Variants in ABAT observed in about 807,000 individuals in gnomAD.
ABAT encodes the protein 4-aminobutyrate aminotransferase, mitochondrial.
In ABAT, 45 loss-of-function variants were observed where a neutral mutation model predicts 64.6. That is an observed-to-expected ratio of 0.70 (90% CI 0.55 to 0.89). The LOEUF is 0.89. Among genes scored for constraint, ABAT ranks in the 40% least tolerant of loss-of-function variants. The pLI is 0.00. For missense variants in ABAT, 633 were observed against 658.4 expected (o/e 0.96, Z 0.42); for synonymous variants, 297 against 250.5 (o/e 1.19, Z -1.75).
intron 1 of ABAT, among the ~76,000 whole-genome samples, chr16:8,731,032 G>C (rs531502307): frequency 6.6e-6 from 1 of 151,584 alleles, no homozygotes; most frequent in Non-Finnish European, 1.5e-5. Flanking sequence ...GTGTGATCTT[G>C]GCTCACTGCC....
At chr16:8,683,417 C>T (rs541975768) in intron 1 of ABAT, 1 of 153,046 alleles carries the variant, frequency 6.5e-6, no homozygotes, top group East Asian at 1.9e-4. Context: ...GGACCACCAG[C>T]TTGCCTAAGA....
intron 1 of ABAT, among the ~76,000 whole-genome samples, chr16:8,694,106 T>C (rs1265836368): frequency 6.6e-6 from 1 of 151,928 alleles, no homozygotes; most frequent in Non-Finnish European, 1.5e-5. Flanking sequence ...CTCCGCTCAC[T>C]GCAAGCTCTG....
intron 6 of ABAT, among the ~76,000 whole-genome samples, chr16:8,761,969 CCTT>C (rs2059809228): frequency 1.4e-5 from 2 of 144,346 alleles, no homozygotes; most frequent in African/African-American, 2.4e-5. Context: ...CTTCTTTCTT[CCTT>C]CTTCTTCCTT....
intron 1 of ABAT, among the ~76,000 whole-genome samples, chr16:8,723,088 C>A (rs112632036): frequency 0.032 from 4,839 of 152,128 alleles, 256 homozygotes; most frequent in African/African-American, 0.11. Context: ...CAAAAATTAG[C>A]CAGGTGTGGT....
chr16:8,733,362 C>G (rs563784030), intron 1 of ABAT, among the ~76,000 whole-genome samples: 6 of 150,050 alleles, frequency 4.0e-5, no homozygotes, highest in African/African-American at 1.5e-4. Context: ...GCAGCCAGGC[C>G]GAGGGGCTCC....
In ABAT at chr16:8,764,022, T is replaced by TG; in HGVS notation, c.367-44dup. ...AAAGCACCATTTGTGGGCAGGGAGC[T>TG]GGGTCAGGCCCCCAGAAGTCACCAT... On this transcript the variant is annotated intron_variant, in intron 6 of 15. Coordinates refer to ENST00000268251, the MANE Select transcript of ABAT (RefSeq NM_020686.6). This position sits in a 1 kb window ranked among gnomAD's most constrained non-coding sequence, Gnocchi z 4.2. 1 of 1,525,336 alleles carries TG rather than the reference T, an allele frequency of 6.6e-7. No individual in the cohort carries two copies. The highest frequency in any genetic ancestry group is 9.1e-7 in the Non-Finnish European group (1 of 1,099,124). The allele number at this position is 1,525,336 out of a possible 1,614,324, so 94.5% of individuals were successfully genotyped here.
chr16:8,754,324 C>T (rs2059580393), intron 5 of ABAT, among the ~76,000 whole-genome samples: 2 of 152,012 alleles, frequency 1.3e-5, no homozygotes, highest in African/African-American at 4.8e-5. Context: ...CACTGCACTC[C>T]AGCCTGGGCA....
chr16:8,692,514 T>C (rs1003927817), intron 1 of ABAT, among the ~76,000 whole-genome samples: 6 of 152,232 alleles, frequency 3.9e-5, no homozygotes, highest in African/African-American at 1.4e-4. Flanking sequence ...ACATTTCCAG[T>C]ACTGCAGACT....
chr16:8,726,694 T>C (rs1007501751), intron 1 of ABAT, among the ~76,000 whole-genome samples: 1 of 152,216 alleles, frequency 6.6e-6, no homozygotes, highest in African/African-American at 2.4e-5. Flanking sequence ...TTCCTTCCTT[T>C]TGTGTATTTA....
Position 8,781,348 on chromosome 16 carries a change from T to G in ABAT, c.1421T>G (p.Phe474Cys), listed in dbSNP as rs1280757572. 3 of 1,614,202 alleles carry G rather than the reference T, an allele frequency of 1.9e-6. No homozygotes were observed. In the South Asian group the frequency reaches 3.3e-5, roughly 18 times the overall value. Residue 474 changes from phenylalanine (F) to cysteine (C), a missense_variant, in exon 16 of 16, where the codon TTC becomes TGC. Phe to Cys is a radical substitution (Grantham distance 205, BLOSUM62 -2). Coordinates refer to ENST00000268251, the MANE Select transcript of ABAT (RefSeq NM_020686.6). The surrounding 1 kb of genome is among the most constrained non-coding windows in gnomAD (Gnocchi z 4.5). ...GGCTGTGGTGACAAATCCATTCGTT[T>G]CCGTCCCACGCTGGTCTTCAGGGAT... is the stretch of plus-strand genomic sequence containing the variant. ...LGGCGDKSIRFRPTLVFRDHH... is the reference protein window; with the variant it reads ...LGGCGDKSIRCRPTLVFRDHH...
In ABAT at chr16:8,774,797, A is replaced by C. The variant is rs41307917; in HGVS notation, c.955-93A>C. 917 of 1,490,686 alleles carry C rather than the reference A, an allele frequency of 6.2e-4. 5 individuals carry two copies. In the African/African-American group the frequency reaches 0.011, roughly 18 times the overall value. 92.3% of individuals were successfully genotyped at this position (1,490,686 alleles called of 1,614,324 possible). A position where few individuals can be genotyped will look rare whatever the true frequency, so the allele number is the denominator to read the frequency against. On this transcript the variant is annotated intron_variant, in intron 12 of 15. Coordinates refer to ENST00000268251, the MANE Select transcript of ABAT (RefSeq NM_020686.6). ...CAGAAAACAAGCACGATGTGTGTGG[A>C]CCCAGGGTTTGGCAGTTAGCTGGCT...
At chr16:8,775,123 G>A in intron 13 of ABAT, 66 bp downstream of exon 13, 1 of 1,608,724 alleles carries the variant, frequency 6.2e-7, no homozygotes, top group Non-Finnish European at 8.5e-7. Context: ...TCTCCTAACT[G>A]TTCCTTTCTC....
At position 8,776,632 on chromosome 16, in the gene ABAT, G is replaced by A. The variant is rs2060272474; in HGVS notation, c.1269+142G>A. ...GGGCTGTGCTGCTCCTAGCCTTGGG[G>A]GCTTTGCACATGCTGTGTCCTCTGC... On this transcript the variant is annotated intron_variant, in intron 14 of 15. Transcript: ENST00000268251. This position sits in a 1 kb window ranked among gnomAD's most constrained non-coding sequence, Gnocchi z 4.4. 5 of 904,252 alleles carry A rather than the reference G, an allele frequency of 5.5e-6. No individual in the cohort carries two copies. In the Admixed American group the frequency reaches 1.0e-4, roughly 18 times the overall value. 56.0% of individuals were successfully genotyped at this position (904,252 alleles called of 1,614,324 possible). A position where few individuals can be genotyped will look rare whatever the true frequency, so the allele number is the denominator to read the frequency against.
intron 3 of ABAT, 125 bp downstream of exon 3, chr16:8,746,223 A>G: frequency 1.3e-6 from 1 of 772,850 alleles, no homozygotes. Context: ...TCACCACCAG[A>G]GATCTGAGAT....
rs183177044 is a variant in ABAT at position 8,762,533 on chromosome 16, G to T, written c.367-1536G>T. Among the ~76,000 whole-genome samples the T allele has an allele frequency of 1.3e-3, 202 of 152,322 alleles. 1 individual carries two copies. Among genetic ancestry groups the T allele is most frequent in the African/African-American group, 4.5e-3 (188 of 41,574 alleles). On this transcript the variant is annotated intron_variant, in intron 6 of 15. Transcript: ENST00000268251. Reference sequence around the variant, plus strand: ...TATCTTCATGCTGTACCCTAAGCCTGTTGAGCTGACTGCAAGGGTTTAGAA... The same window carrying T: ...TATCTTCATGCTGTACCCTAAGCCTTTTGAGCTGACTGCAAGGGTTTAGAA...
chr16:8,697,098 G>C (rs1424901566), intron 1 of ABAT, among the ~76,000 whole-genome samples: 1 of 152,210 alleles, frequency 6.6e-6, no homozygotes, highest in African/African-American at 2.4e-5. Flanking sequence ...AAATGTGTTG[G>C]TCTGAAAGCA....
At chr16:8,686,757 C>T (rs932013699) in intron 1 of ABAT, among the ~76,000 whole-genome samples, 5 of 152,184 alleles carry the variant, frequency 3.3e-5, no homozygotes, top group African/African-American at 1.2e-4. Context: ...TGGCTCTGAC[C>T]TCAGTTTACT....
At chr16:8,703,808 T>G (rs2057880190) in intron 1 of ABAT, among the ~76,000 whole-genome samples, 1 of 152,214 alleles carries the variant, frequency 6.6e-6, no homozygotes, top group Non-Finnish European at 1.5e-5. Flanking sequence ...GGCCAGACAG[T>G]AAGTATTTTT....
intron 1 of ABAT, among the ~76,000 whole-genome samples, chr16:8,701,654 A>G (rs1358748139): frequency 1.3e-5 from 2 of 152,226 alleles, no homozygotes; most frequent in Non-Finnish European, 2.9e-5. Flanking sequence ...GAGCTCTGTA[A>G]TGAGGGAGCT....
Sources: allele counts gnomAD v4.1 joint callset (sites outside exome capture counted in the v4.1 genomes callset), GRCh38; gene constraint gnomAD v4.1.1; non-coding constraint Gnocchi (gnomAD v3.1); transcripts MANE v1.5; gene names NCBI Gene and HGNC (gene_info 2026-07-23, HGNC 2026-07-21).